The following TRPM6 variants were observed in gnomAD, a reference collection of about 807,000 sequenced individuals.
TRPM6 encodes transient receptor potential cation channel subfamily M member 6, also known as channel kinase 2.
Under a neutral mutation model 247.6 loss-of-function variants are expected in TRPM6, and 111 were observed. The ratio of observed to expected loss-of-function variants is 0.45; its 90% CI spans 0.38 to 0.52. The LOEUF (loss-of-function observed/expected upper bound fraction) is 0.52. TRPM6 is among the 20% of genes least tolerant of loss of function. TRPM6 has a pLI of 0.00. For missense variants in TRPM6, 2,126 were observed against 2,421.5 expected, an observed-to-expected ratio of 0.88 and a Z score of 2.56; for synonymous variants, 892 against 853.8, an observed-to-expected ratio of 1.04 and a Z score of -0.78.
intron 1 of TRPM6, among the ~76,000 whole-genome samples, chr9:74,860,886 T>G (rs771226386): frequency 1.6e-4 from 25 of 152,050 alleles, no homozygotes; most frequent in Non-Finnish European, 3.2e-4. Context: ...CCGTGCATGG[T>G]GGCATGTGCC....
chr9:74,854,882 T>G (rs188343922), intron 3 of TRPM6, among the ~76,000 whole-genome samples: 81 of 152,302 alleles, frequency 5.3e-4, no homozygotes, highest in African/African-American at 1.9e-3. Context: ...GGTTTTACCA[T>G]GTTGTCCAAA....
Position 74,728,358 on chromosome 9 carries a change from T to A in TRPM6, c.5829-13A>T. 6.4e-7 allele frequency: 1 copy of A among 1,554,344 alleles called. No individual in the cohort carries two copies. The highest frequency in any genetic ancestry group is 8.9e-7 in the Non-Finnish European group (1 of 1,125,746). On this transcript the variant is annotated splice_polypyrimidine_tract_variant and intron_variant, in intron 37 of 38. Coordinates refer to ENST00000360774, the MANE Select transcript of TRPM6 (RefSeq NM_017662.5). ...CATTCCTCTTGATCTAGAGGAAATA[T>A]CAGAATATCAATTAGATCACAGCTA...
intron 37 of TRPM6, among the ~76,000 whole-genome samples, chr9:74,731,682 T>G (rs1169342125): frequency 1.3e-5 from 2 of 148,820 alleles, no homozygotes; most frequent in Non-Finnish European, 3.0e-5. Flanking sequence ...GATTGCCCAC[T>G]TATGTAGTTA....
chr9:74,877,559 A>G (rs1452735440), intron 1 of TRPM6, among the ~76,000 whole-genome samples: 1 of 152,066 alleles, frequency 6.6e-6, no homozygotes, highest in Non-Finnish European at 1.5e-5. Flanking sequence ...GGGACCCAAC[A>G]GCCCCACATC....
At chr9:74,830,841 C>CCGGCCT (rs1188300208) in intron 6 of TRPM6, among the ~76,000 whole-genome samples, 2 of 147,182 alleles carry the variant, frequency 1.4e-5, no homozygotes, top group Admixed American at 7.0e-5. Context: ...AAGCAATCCG[C>CCGGCCT]CGGCCTCGGC....
chr9:74,862,653 A>G (rs1023231326), intron 1 of TRPM6, among the ~76,000 whole-genome samples: 6 of 152,214 alleles, frequency 3.9e-5, no homozygotes, highest in African/African-American at 1.4e-4. Flanking sequence ...ATGCACAGAC[A>G]AAAGGTAATT....
At chr9:74,837,429 A>C (rs1305015850) in intron 5 of TRPM6, among the ~76,000 whole-genome samples, 1 of 151,718 alleles carries the variant, frequency 6.6e-6, no homozygotes, top group Non-Finnish European at 1.5e-5. Flanking sequence ...GGTTAGCCTG[A>C]TTGTTTTATG....
rs145791687 is a variant in TRPM6, at chr9:74,842,228, T to A, written c.268A>T (p.Ser90Cys). 5.1e-4 allele frequency: 823 copies of A among 1,614,164 alleles called. 6 individuals carry two copies. The African/African-American group carries it at 8.8e-3, about 17-fold the overall frequency. ...ATCGTGCCAAAAGTATCTGTTGGGC[T>A]TTTCGTTGTGTGCTTTTCAACAGAC... Reference protein sequence around the residue: ...QWSVEKHTTKSPTDTFGTINF... With the variant: ...QWSVEKHTTKCPTDTFGTINF... The change falls in exon 4 of 39, where the codon AGC (serine) becomes TGC (cysteine). Residue 90 changes from serine (S) to cysteine (C), a missense_variant. Around this residue, in one of 3 missense-constraint regions of TRPM6, gnomAD observed 1,082 missense variants for 1,307.9 expected, o/e 0.83. Coordinates refer to ENST00000360774, the MANE Select transcript of TRPM6 (RefSeq NM_017662.5).
chr9:74,806,909 C>T (rs1436849435), intron 14 of TRPM6, among the ~76,000 whole-genome samples: 3 of 152,168 alleles, frequency 2.0e-5, no homozygotes, highest in Non-Finnish European at 4.4e-5. Context: ...TACTGGCAGG[C>T]CATTTAAAGA....
intron 1 of TRPM6, among the ~76,000 whole-genome samples, chr9:74,874,777 A>G (rs1010706371): frequency 4.1e-5 from 6 of 146,966 alleles, no homozygotes; most frequent in African/African-American, 1.5e-4. Flanking sequence ...TTTTTTTGAG[A>G]CAATGTCTCA....
At chr9:74,735,556 A>T (rs1453419091) in intron 36 of TRPM6, among the ~76,000 whole-genome samples, 3 of 152,170 alleles carry the variant, frequency 2.0e-5, no homozygotes, top group African/African-American at 7.2e-5. Flanking sequence ...TTTGTTGAAT[A>T]AAAAAATTAA....
rs191344898 is a variant in TRPM6 at position 74,842,233 on chromosome 9, G to A, written c.263C>T (p.Thr88Met). Reference protein sequence around the residue: ...SEQWSVEKHTTKSPTDTFGTI... With the variant: ...SEQWSVEKHTMKSPTDTFGTI... The stretch of plus-strand genomic sequence containing the variant: ...GCCAAAAGTATCTGTTGGGCTTTTC[G>A]TTGTGTGCTTTTCAACAGACCATTG... The change falls in exon 4 of 39, where the codon ACG (threonine) becomes ATG (methionine). Residue 88 changes from threonine (T) to methionine (M), a missense_variant. By Grantham distance (81) the Thr-to-Met change is moderately conservative. Around this residue, in one of 3 missense-constraint regions of TRPM6, gnomAD observed 1,082 missense variants for 1,307.9 expected, o/e 0.83. Coordinates refer to ENST00000360774, the MANE Select transcript of TRPM6 (RefSeq NM_017662.5). 196 of 1,613,828 alleles carry A rather than the reference G, an allele frequency of 1.2e-4. No individual in the cohort carries two copies. The South Asian group carries it at 1.4e-3, about 11-fold the overall frequency.
In TRPM6 at chr9:74,722,699, T is replaced by G. The variant is rs1057515628; in HGVS notation, c.*1914A>C. 6.6e-6 allele frequency: 1 copy of G among 152,176 alleles called. No homozygotes were observed. The highest frequency in any genetic ancestry group is 1.5e-5 in the Non-Finnish European group (1 of 68,046). The allele number at this position is 152,176 out of a possible 1,614,324, so 9.4% of individuals were successfully genotyped here. A position where few individuals can be genotyped will look rare whatever the true frequency, so the allele number is the denominator to read the frequency against. The stretch of plus-strand genomic sequence containing the variant: ...AGTTGTTAAGTCCCCAAAAAAGTAT[T>G]AACATTTTATCCTCATTGCCAATCA... On this transcript the variant is annotated 3_prime_UTR_variant, in exon 39 of 39. Transcript: ENST00000360774.
chr9:74,782,396 T>C lies in TRPM6; in HGVS notation c.3175A>G (p.Ile1059Val), dbSNP rs1397965615. The C allele has an allele frequency of 1.2e-6, 2 of 1,614,006 alleles. No individual in the cohort carries two copies. Among genetic ancestry groups the C allele is most frequent in the African/African-American group, 2.7e-5 (2 of 75,016 alleles). The change falls in exon 23 of 39, where the codon ATC becomes GTC. Residue 1059 changes from isoleucine (I) to valine (V), a missense_variant. By Grantham distance (29) the Ile-to-Val change is conservative. Around this residue, in one of 3 missense-constraint regions of TRPM6, gnomAD observed 1,082 missense variants for 1,307.9 expected, o/e 0.83. Coordinates refer to ENST00000360774, the MANE Select transcript of TRPM6 (RefSeq NM_017662.5). The stretch of plus-strand genomic sequence containing the variant: ...GCAATCAACAGGTTCACCATGATGA[T>C]ATATTGCACGAAGAGGTAGACAGCT... ...LQAVYLFVQYIIMVNLLIAFF... is the reference protein window; with the variant it reads ...LQAVYLFVQYVIMVNLLIAFF...
At chr9:74,792,568 C>T in intron 19 of TRPM6, 56 bp downstream of exon 19, 2 of 1,574,772 alleles carry the variant, frequency 1.3e-6, no homozygotes, top group Non-Finnish European at 1.7e-6. Context: ...TTATCAACAT[C>T]ATCACTAGCT....
chr9:74,774,720 G>A (rs574448789), intron 24 of TRPM6, among the ~76,000 whole-genome samples: 1 of 152,292 alleles, frequency 6.6e-6, no homozygotes, highest in Admixed American at 6.5e-5. Context: ...AATTAATATA[G>A]TGAGTATGTC....
rs1463712523 is a variant in TRPM6, at chr9:74,723,844, A to G, written c.*769T>C. On this transcript the variant is annotated 3_prime_UTR_variant, in exon 39 of 39. Coordinates refer to ENST00000360774, the MANE Select transcript of TRPM6 (RefSeq NM_017662.5). The stretch of plus-strand genomic sequence containing the variant: ...TATATATAAAATATATATATTCCAT[A>G]TGTATTTTATATATATAATATATAT... 2.1e-5 allele frequency: 3 copies of G among 145,984 alleles called. No homozygotes were observed. The highest frequency in any genetic ancestry group is 7.4e-5 in the African/African-American group (3 of 40,286). The allele number at this position is 145,984 out of a possible 1,614,324, so 9.0% of individuals were successfully genotyped here.
intron 28 of TRPM6, among the ~76,000 whole-genome samples, chr9:74,753,850 G>C (rs1437184524): frequency 2.6e-5 from 4 of 152,004 alleles, no homozygotes; most frequent in Non-Finnish European, 5.9e-5. Flanking sequence ...GAAAGACAGT[G>C]GGCCTCATTA....
chr9:74,874,952 GAC>G (rs1441953098), intron 1 of TRPM6, among the ~76,000 whole-genome samples: 2 of 150,614 alleles, frequency 1.3e-5, no homozygotes, highest in African/African-American at 4.9e-5. Context: ...TTTTAGTAGA[GAC>G]AAGTTTCGCC....
Sources: gnomAD v4.1 joint callset for allele counts (sites outside exome capture counted in the v4.1 genomes callset) on GRCh38, gnomAD v4.1.1 for gene constraint, gnomAD v4.1.1 regional missense constraint, MANE v1.5 for transcripts, NCBI Gene and HGNC (gene_info 2026-07-23, HGNC 2026-07-21) for gene names.